Variants in DCN observed in about 807,000 individuals in gnomAD.
The protein encoded by DCN is decorin, also known as bone proteoglycan II.
In DCN, 17 loss-of-function variants were observed where a neutral mutation model predicts 36.5. The observed-to-expected ratio is 0.47, with a 90% CI of 0.32 to 0.70. DCN has a LOEUF of 0.70. Ranked by LOEUF, DCN falls within the 30% of genes least tolerant of loss-of-function variation. The pLI, the probability that DCN is intolerant of heterozygous loss-of-function variation, is 0.04. For missense variants in DCN, 389 were observed against 430.1 expected, an observed-to-expected ratio of 0.90 and a Z score of 0.84; for synonymous variants, 163 against 161.4, an observed-to-expected ratio of 1.01 and a Z score of -0.07.
chr12:91,159,019 G>A (rs1489570380), intron 3 of DCN, among the ~76,000 whole-genome samples: 6 of 151,280 alleles, frequency 4.0e-5, no homozygotes, highest in Admixed American at 4.0e-4. Context: ...GAAGGGAAAT[G>A]TAATAAGATA....
In DCN at chr12:91,141,116, C is replaced by T. The variant is rs1836212313; in HGVS notation, c.*4942G>A. 1 of 152,164 alleles carries T rather than the reference C, an allele frequency of 6.6e-6. No homozygotes were observed. 9.4% of individuals were successfully genotyped at this position (152,164 alleles called of 1,614,324 possible). A position where few individuals can be genotyped will look rare whatever the true frequency, so the allele number is the denominator to read the frequency against. ...GTCTATACACGCAAAGGGATCCTCT[C>T]AAAGACAGTTGAATCAAGTCACTCC... On this transcript the variant is annotated 3_prime_UTR_variant, in exon 8 of 8. Coordinates refer to ENST00000052754, the MANE Select transcript of DCN (RefSeq NM_001920.5).
chr12:91,158,643 TTAAG>T lies in DCN; in HGVS notation c.325-138_325-135del, dbSNP rs1310016594. The T allele has an allele frequency of 5.3e-5, 36 of 677,276 alleles. 1 individual carries two copies. The highest frequency in any genetic ancestry group is 1.2e-4 in the Admixed American group (5 of 42,692). The allele number at this position is 677,276 out of a possible 1,614,324, so 42.0% of individuals were successfully genotyped here. On this transcript the variant is annotated intron_variant, in intron 3 of 7. Transcript: ENST00000052754. Reference sequence around the variant, plus strand: ...AAAATTGCAAGAAATCAGAAAAAAATTAAGTAAGTATTATTTCTTTACTTAAGAA... The same window carrying T: ...AAAATTGCAAGAAATCAGAAAAAAATTAAGTATTATTTCTTTACTTAAGAA...
chr12:91,163,415 C>T (rs1350531622), intron 3 of DCN, among the ~76,000 whole-genome samples: 3 of 152,164 alleles, frequency 2.0e-5, no homozygotes, highest in Non-Finnish European at 4.4e-5. Flanking sequence ...GTAGATGCAA[C>T]CACACAAGAC....
chr12:91,169,150 A>T (rs1882770541), intron 2 of DCN, among the ~76,000 whole-genome samples: 1 of 152,136 alleles, frequency 6.6e-6, no homozygotes, highest in Non-Finnish European at 1.5e-5. Flanking sequence ...TAATTCCAGA[A>T]CTTTTGGAAT....
In DCN at chr12:91,142,246, G is replaced by A. The variant is rs992609243; in HGVS notation, c.*3812C>T. On this transcript the variant is annotated 3_prime_UTR_variant, in exon 8 of 8. Coordinates refer to ENST00000052754, the MANE Select transcript of DCN (RefSeq NM_001920.5). ...AACCTCGAATGTCTGTGCTGCAGGA[G>A]AGTCTGAAGGACAGTGAAGTCTTGT... The A allele has an allele frequency of 6.6e-6, 1 of 152,218 alleles. No homozygotes were observed. The highest frequency in any genetic ancestry group is 2.1e-4 in the South Asian group (1 of 4,834). 9.4% of individuals were successfully genotyped at this position (152,218 alleles called of 1,614,324 possible).
intron 2 of DCN, 93 bp from the exon 3 acceptor site, chr12:91,164,810 G>A (rs1193865898): frequency 1.3e-6 from 1 of 747,074 alleles, no homozygotes; most frequent in Non-Finnish European, 2.5e-6. Flanking sequence ...TTAATGTTAT[G>A]ATGATCATCT....
intron 5 of DCN, 135 bp downstream of exon 5, chr12:91,156,934 AAACACT>A: frequency 3.1e-6 from 2 of 640,840 alleles, no homozygotes; most frequent in South Asian, 3.6e-5. Flanking sequence ...ACACTGGATG[AAACACT>A]AGCAGTAATA....
At chr12:91,171,877 G>A (rs2121293432) in intron 2 of DCN, among the ~76,000 whole-genome samples, 1 of 152,212 alleles carries the variant, frequency 6.6e-6, no homozygotes, top group Non-Finnish European at 1.5e-5. Flanking sequence ...AAGCCACCAT[G>A]TTTTGGGGTA....
chr12:91,177,391 C>G (rs1363663982), intron 2 of DCN: 1 of 572,284 alleles, frequency 1.7e-6, no homozygotes, highest in East Asian at 2.9e-5. Context: ...AAAGAAGTGC[C>G]TGATCATAGT....
At position 91,164,707 on chromosome 12, in the gene DCN, T is replaced by G; in HGVS notation, c.222A>C (p.Lys74Asn). ...VVQCSDLGLD[K>N]VPKDLPPDTT... is the part of the protein sequence containing the mutation. ...TGTCAGGGGGAAGATCCTTTGGCAC[T>G]TTGTCCAGACCTAGCATAAGAGTAA... Residue 74 changes from lysine (K) to asparagine (N), a missense_variant, in exon 3 of 8, where the codon AAA (lysine) becomes AAC (asparagine). Lys to Asn is a moderately conservative substitution (Grantham distance 94). Coordinates refer to ENST00000052754, the MANE Select transcript of DCN (RefSeq NM_001920.5). 6.3e-7 allele frequency: 1 copy of G among 1,594,734 alleles called. No individual in the cohort carries two copies. Among genetic ancestry groups the G allele is most frequent in the Non-Finnish European group, 8.6e-7 (1 of 1,162,264 alleles).
Position 91,145,963 on chromosome 12 carries a change from G to T in DCN, c.*95C>A. The T allele has an allele frequency of 1.9e-6, 2 of 1,062,718 alleles. No individual in the cohort carries two copies. Among genetic ancestry groups the T allele is most frequent in the South Asian group, 1.3e-5 (1 of 78,070 alleles). 65.8% of individuals were successfully genotyped at this position (1,062,718 alleles called of 1,614,324 possible). A position where few individuals can be genotyped will look rare whatever the true frequency, so the allele number is the denominator to read the frequency against. On this transcript the variant is annotated 3_prime_UTR_variant, in exon 8 of 8. Coordinates refer to ENST00000052754, the MANE Select transcript of DCN (RefSeq NM_001920.5). The stretch of plus-strand genomic sequence containing the variant: ...GTCATGTGGGTAAAACATCCACATT[G>T]CAGTTAGGTTTCCAGTATCTAGCTT...
chr12:91,158,544 C>A (rs1453388503), intron 3 of DCN, 35 bp from the exon 4 acceptor site: 2 of 1,062,354 alleles, frequency 1.9e-6, no homozygotes, highest in South Asian at 1.3e-5. Context: ...TCTTTAAATC[C>A]AAAACCTTCC....
At chr12:91,161,011 A>G (rs1016121576) in intron 3 of DCN, among the ~76,000 whole-genome samples, 1 of 152,134 alleles carries the variant, frequency 6.6e-6, no homozygotes, top group African/African-American at 2.4e-5. Flanking sequence ...CTCCTTCCTT[A>G]AGTGTGGCTT....
At position 91,164,666 on chromosome 12, in the gene DCN, A is replaced by G; in HGVS notation, c.263T>C (p.Leu88Pro). The change falls in exon 3 of 8, where the codon CTG becomes CCG. Residue 88 changes from leucine to proline, a missense_variant. Coordinates refer to ENST00000052754, the MANE Select transcript of DCN (RefSeq NM_001920.5). ...GATTTCGGTTATTTTGTTGTTTTGCAGGTCTAGCAGAGTTGTGTCAGGGGG... is the reference window on the plus strand; with the variant it reads ...GATTTCGGTTATTTTGTTGTTTTGCGGGTCTAGCAGAGTTGTGTCAGGGGG... ...DLPPDTTLLD[L>P]QNNKITEIKD... 6.2e-7 allele frequency: 1 copy of G among 1,613,238 alleles called. No homozygotes were observed. Among genetic ancestry groups the G allele is most frequent in the Non-Finnish European group, 8.5e-7 (1 of 1,179,232 alleles).
chr12:91,153,906 C>T lies in DCN; in HGVS notation c.653-717G>A, dbSNP rs3138304. Among the ~76,000 whole-genome samples the T allele has an allele frequency of 6.8e-3, 1,029 of 152,086 alleles. 10 individuals carry two copies. Among genetic ancestry groups the T allele is most frequent in the Middle Eastern group, 0.014 (4 of 294 alleles). On this transcript the variant is annotated intron_variant, in intron 5 of 7. Transcript: ENST00000052754. ...TTGCATGGCTGTGATTTCCAAAGAT[C>T]GAGTATTATAAATATAAAAGTTTAA... is the stretch of plus-strand genomic sequence containing the variant.
At chr12:91,148,581 C>T (rs1392781141) in intron 7 of DCN, among the ~76,000 whole-genome samples, 10 of 151,348 alleles carry the variant, frequency 6.6e-5, no homozygotes, top group South Asian at 6.3e-4. Context: ...CATGGCATGG[C>T]GGCACGTGCC....
At chr12:91,160,236 A>G (rs1325531512) in intron 3 of DCN, among the ~76,000 whole-genome samples, 1 of 152,146 alleles carries the variant, frequency 6.6e-6, no homozygotes, top group Non-Finnish European at 1.5e-5. Context: ...GAGGTGACAT[A>G]TATCATTACA....
At chr12:91,163,971 G>T (rs1306718183) in intron 3 of DCN, among the ~76,000 whole-genome samples, 3 of 152,074 alleles carry the variant, frequency 2.0e-5, no homozygotes, top group African/African-American at 7.2e-5. Context: ...ACGTGAGAGA[G>T]AATTAAGATC....
Position 91,178,456 on chromosome 12 carries a change from C to A in DCN, c.97G>T (p.Ala33Ser). 6.2e-7 allele frequency: 1 copy of A among 1,613,834 alleles called. No individual in the cohort carries two copies. The highest frequency in any genetic ancestry group is 8.5e-7 in the Non-Finnish European group (1 of 1,179,942). ...GLFDFMLEDE[A>S]SGIGPEVPDD... ...GGAACTTCTGGGCCTATCCCAGAAGCCTCATCTTCTAGCATAAAGTCAAAT... is the reference window on the plus strand; with the variant it reads ...GGAACTTCTGGGCCTATCCCAGAAGACTCATCTTCTAGCATAAAGTCAAAT... Residue 33 changes from alanine (A) to serine (S), a missense_variant, in exon 2 of 8, where the codon GCT becomes TCT. Transcript: ENST00000052754.
Sources: gnomAD v4.1 joint callset for allele counts (sites outside exome capture counted in the v4.1 genomes callset) on GRCh38, gnomAD v4.1.1 for gene constraint, MANE v1.5 for transcripts, NCBI Gene and HGNC (gene_info 2026-07-23, HGNC 2026-07-21) for gene names.